The following STXBP6 variants were observed in gnomAD, a reference collection of about 807,000 sequenced individuals.
The protein encoded by STXBP6 is syntaxin-binding protein 6.
A neutral mutation model predicts 26.9 loss-of-function variants in STXBP6; 21 were observed. The observed-to-expected ratio is 0.78, with a 90% CI of 0.55 to 1.12. The LOEUF is 1.12. Ranked by LOEUF, STXBP6 falls within the 50% of genes most tolerant of loss-of-function variation. The probability of loss-of-function intolerance (pLI) is 0.00; values close to 1 mark genes in which losing one functional copy is unlikely to be tolerated. For missense variants in STXBP6, 232 were observed against 257.9 expected, an observed-to-expected ratio of 0.90 and a Z score of 0.69; for synonymous variants, 97 against 92.6, an observed-to-expected ratio of 1.05 and a Z score of -0.27.
intron 2 of STXBP6, among the ~76,000 whole-genome samples, chr14:24,944,365 A>T (rs2072906851): frequency 6.6e-6 from 1 of 152,204 alleles, no homozygotes; most frequent in Non-Finnish European, 1.5e-5. Flanking sequence ...ACATCCAAGG[A>T]AAAAATTCTA....
chr14:24,819,244 G>A (rs2068071113), intron 4 of STXBP6, 50 bp from the exon 5 acceptor site: 2 of 1,609,818 alleles, frequency 1.2e-6, no homozygotes, highest in Non-Finnish European at 1.7e-6. Context: ...CTGACCCACA[G>A]TGACCAGACT....
rs1023319761 is a variant in STXBP6, at chr14:24,894,897, T to G, written c.155-37740A>C. ...TCTCCTTATTTCTCTCTCTCTTTTT[T>G]TTTTTTTAATGCTCAGGAAAATTTC... On this transcript the variant is annotated intron_variant, in intron 2 of 5. Coordinates refer to ENST00000323944, the MANE Select transcript of STXBP6 (RefSeq NM_001394410.1). Among the ~76,000 whole-genome samples the G allele has an allele frequency of 9.2e-5, 14 of 152,088 alleles. 1 individual carries two copies. Among genetic ancestry groups the G allele is most frequent in the Non-Finnish European group, 1.5e-4 (10 of 68,024 alleles).
chr14:24,950,987 G>A (rs1013404987), intron 2 of STXBP6, among the ~76,000 whole-genome samples: 26 of 152,050 alleles, frequency 1.7e-4, no homozygotes, highest in African/African-American at 5.3e-4. Context: ...GAGAGCATGC[G>A]GTTTTGGTTT....
At chr14:25,036,087 G>A (rs150315525) in intron 1 of STXBP6, among the ~76,000 whole-genome samples, 1 of 151,870 alleles carries the variant, frequency 6.6e-6, no homozygotes, top group Non-Finnish European at 1.5e-5. Context: ...ACATGGTGGC[G>A]TGTGCCTATA....
At chr14:24,897,409 CAAA>C (rs34542483) in intron 2 of STXBP6, among the ~76,000 whole-genome samples, 4 of 37,626 alleles carry the variant, frequency 1.1e-4, no homozygotes, top group Non-Finnish European at 1.2e-4. Context: ...GACTCTGTCT[CAAA>C]AAAAAAAAAA....
rs74037675 is a variant in STXBP6, at chr14:24,839,607, T to C, written c.451+16329A>G. ...CCAAAAAGTATGGTAATCTTGTATA[T>C]TGTGTGACTTGTCATTCTTGAAAAA... On this transcript the variant is annotated intron_variant, in intron 4 of 5. Coordinates refer to ENST00000323944, the MANE Select transcript of STXBP6 (RefSeq NM_001394410.1). 7.3e-3 allele frequency among the ~76,000 whole-genome samples: 1,105 copies of C among 152,318 alleles called. 12 individuals carry two copies. The highest frequency in any genetic ancestry group is 0.025 in the African/African-American group (1,055 of 41,564).
chr14:24,906,777 T>C (rs1490135719), intron 2 of STXBP6, among the ~76,000 whole-genome samples: 1 of 152,146 alleles, frequency 6.6e-6, no homozygotes, highest in Non-Finnish European at 1.5e-5. Flanking sequence ...TATAGTAAAT[T>C]GATGTAGTAG....
chr14:24,843,561 G>C (rs1488437351), intron 4 of STXBP6, among the ~76,000 whole-genome samples: 1 of 152,160 alleles, frequency 6.6e-6, no homozygotes, highest in Non-Finnish European at 1.5e-5. Flanking sequence ...ATATGATCTT[G>C]TTAAATCCTT....
chr14:25,030,107 G>T (rs2075424649), intron 1 of STXBP6, among the ~76,000 whole-genome samples: 1 of 152,190 alleles, frequency 6.6e-6, no homozygotes, highest in Non-Finnish European at 1.5e-5. Flanking sequence ...GAGCTTTCAA[G>T]AAGGAAAATC....
At chr14:25,043,255 A>C (rs1385130051) in intron 1 of STXBP6, among the ~76,000 whole-genome samples, 1 of 152,250 alleles carries the variant, frequency 6.6e-6, no homozygotes, top group Non-Finnish European at 1.5e-5. Flanking sequence ...TTCGAATGAG[A>C]GAGTAACAAG....
chr14:24,991,271 C>T (rs750695923), intron 1 of STXBP6, among the ~76,000 whole-genome samples: 7 of 152,178 alleles, frequency 4.6e-5, no homozygotes, highest in Non-Finnish European at 8.8e-5. Context: ...TTATGAAAAA[C>T]TCTTCTTTTC....
chr14:24,907,975 A>G (rs980170942), intron 2 of STXBP6, among the ~76,000 whole-genome samples: 18 of 151,968 alleles, frequency 1.2e-4, no homozygotes, highest in African/African-American at 4.4e-4. Context: ...CCAAATCTGT[A>G]TCTCACGCCC....
intron 1 of STXBP6, among the ~76,000 whole-genome samples, chr14:25,019,131 G>A (rs2075214247): frequency 6.6e-6 from 1 of 152,198 alleles, no homozygotes; most frequent in African/African-American, 2.4e-5. Context: ...TTTGTCCATA[G>A]AAACATGCTG....
At chr14:24,933,110 GCGGA>G (rs2072476449) in intron 2 of STXBP6, among the ~76,000 whole-genome samples, 2 of 152,320 alleles carry the variant, frequency 1.3e-5, no homozygotes, top group South Asian at 2.1e-4. Context: ...GGAGGCCAAG[GCGGA>G]TGGATTGCTT....
At position 25,050,015 on chromosome 14, in the gene STXBP6, G is replaced by T; in HGVS notation, c.-170C>A. 2.8e-6 allele frequency: 1 copy of T among 361,534 alleles called. No homozygotes were observed. Among genetic ancestry groups the T allele is most frequent in the Non-Finnish European group, 3.8e-6 (1 of 259,884 alleles). The allele number at this position is 361,534 out of a possible 1,614,324, so 22.4% of individuals were successfully genotyped here. ...TAGCCGGCCCGGGTGCTGGCTCGCC[G>T]CCGCTCGCGGCTCCCGCGCCGGCTC... On this transcript the variant is annotated 5_prime_UTR_variant, in exon 1 of 6. Coordinates refer to ENST00000323944, the MANE Select transcript of STXBP6 (RefSeq NM_001394410.1).
At chr14:24,992,252 T>C (rs1415997126) in intron 1 of STXBP6, among the ~76,000 whole-genome samples, 1 of 152,166 alleles carries the variant, frequency 6.6e-6, no homozygotes, top group African/African-American at 2.4e-5. Context: ...CTTAGTCCCA[T>C]AGTCACACTG....
intron 2 of STXBP6, among the ~76,000 whole-genome samples, chr14:24,894,007 GA>G (rs1040396498): frequency 1.3e-5 from 2 of 151,948 alleles, no homozygotes; most frequent in African/African-American, 4.8e-5. Flanking sequence ...TCAGGGAAAA[GA>G]AAAAAACATG....
rs1595075386 is a variant in STXBP6, at chr14:24,901,352, C to T, written c.155-44195G>A. On this transcript the variant is annotated intron_variant, in intron 2 of 5. Transcript: ENST00000323944. Reference sequence around the variant, plus strand: ...ACATACCCACTAGCATGGCTCCCCCCCAAAAAAAGACTGGCTATATTAAGT... The same window carrying T: ...ACATACCCACTAGCATGGCTCCCCCTCAAAAAAAGACTGGCTATATTAAGT... 3.9e-5 allele frequency among the ~76,000 whole-genome samples: 6 copies of T among 151,952 alleles called. No homozygotes were observed. The South Asian group carries it at 8.4e-4, about 21-fold the overall frequency.
At chr14:24,904,442 C>G (rs558498296) in intron 2 of STXBP6, among the ~76,000 whole-genome samples, 35 of 152,192 alleles carry the variant, frequency 2.3e-4, no homozygotes, top group African/African-American at 7.9e-4. Flanking sequence ...CTTTTAATGG[C>G]GAACCCGCAA....
Sources: allele counts gnomAD v4.1 joint callset (sites outside exome capture counted in the v4.1 genomes callset), GRCh38; gene constraint gnomAD v4.1.1; transcripts MANE v1.5; gene names NCBI Gene and HGNC (gene_info 2026-07-23, HGNC 2026-07-21).